DRD3: variants seen among roughly 807,000 people sequenced by gnomAD.
The protein encoded by DRD3 is dopamine receptor D3.
Under a neutral mutation model 36.3 loss-of-function variants are expected in DRD3, and 19 were observed. That is an observed-to-expected ratio of 0.52 (90% CI 0.36 to 0.77). DRD3 has a LOEUF of 0.77. Ranked by LOEUF, DRD3 falls within the 30% of genes least tolerant of loss-of-function variation. The pLI is 0.00. For synonymous variants in DRD3, 195 were observed against 203.7 expected (o/e 0.96, Z 0.36); for missense variants, 465 against 505.3 (o/e 0.92, Z 0.77).
intron 4 of DRD3, among the ~76,000 whole-genome samples, chr3:114,145,301 A>T (rs1471186427): frequency 6.6e-6 from 1 of 152,242 alleles, no homozygotes; most frequent in Non-Finnish European, 1.5e-5. Flanking sequence ...AGCATTCACG[A>T]AAAATGATAT....
At chr3:114,172,489 G>GGGC (rs1363852228) in intron 1 of DRD3, among the ~76,000 whole-genome samples, 3 of 152,166 alleles carry the variant, frequency 2.0e-5, no homozygotes, top group Non-Finnish European at 4.4e-5. Context: ...CCAGCAGGAA[G>GGGC]GGCTAGCACA....
chr3:114,129,074 G>A (rs1007187443), intron 6 of DRD3, among the ~76,000 whole-genome samples, 162 bp from the exon 7 acceptor site: 3 of 152,122 alleles, frequency 2.0e-5, no homozygotes, highest in African/African-American at 7.2e-5. Flanking sequence ...CGGGTGTGGT[G>A]GCTCACGCTT....
intron 5 of DRD3, 91 bp from the exon 6 acceptor site, chr3:114,131,491 G>A: frequency 6.7e-7 from 1 of 1,488,150 alleles, no homozygotes; most frequent in Non-Finnish European, 9.0e-7. Flanking sequence ...TTCAAAGAAG[G>A]AAGACGGCAA....
rs2077400973 is a variant in DRD3, at chr3:114,128,845, G to A, written c.1074C>T (p.Cys358=). The A allele has an allele frequency of 6.2e-7, 1 of 1,613,908 alleles. No homozygotes were observed. Among genetic ancestry groups the A allele is most frequent in the Non-Finnish European group, 8.5e-7 (1 of 1,179,918 alleles). The change falls in exon 7 of 7, where the codon TGC becomes TGT. Residue 358 remains cysteine, a synonymous_variant. Coordinates refer to ENST00000383673, the MANE Select transcript of DRD3 (RefSeq NM_000796.6). ...THVLNTHCQT[C]HVSPELYSAT... ...CACTGTAAAGCTCTGGGGACACGTG[G>A]CATGTCTGGCAGTGGGTATTGAGAA...
chr3:114,177,236 T>C (rs543334708), intron 1 of DRD3, among the ~76,000 whole-genome samples: 1 of 152,326 alleles, frequency 6.6e-6, no homozygotes, highest in East Asian at 1.9e-4. Flanking sequence ...AGATAGTCTT[T>C]AGCATTTCTA....
In DRD3 at chr3:114,197,477, T is replaced by C. The variant is rs9810702; in HGVS notation, c.-156+1796A>G. On this transcript the variant is annotated intron_variant, in intron 1 of 7. Transcript: ENST00000460779. ...ATTTTGATAGAGTACAATTTACTAA[T>C]ACTTTCCATTTAATGGATTGTGTTT... 3.6e-3 allele frequency among the ~76,000 whole-genome samples: 541 copies of C among 152,164 alleles called. 7 individuals carry two copies. The highest frequency in any genetic ancestry group is 0.012 in the African/African-American group (515 of 41,522).
chr3:114,150,443 G>C (rs2077606576), intron 3 of DRD3, among the ~76,000 whole-genome samples: 1 of 152,246 alleles, frequency 6.6e-6, no homozygotes, highest in Non-Finnish European at 1.5e-5. Flanking sequence ...CGTGGCTGGA[G>C]AGAGAGAGCT....
chr3:114,175,659 GA>G, intron 1 of DRD3, among the ~76,000 whole-genome samples: 1 of 152,254 alleles, frequency 6.6e-6, no homozygotes, highest in South Asian at 2.1e-4. Context: ...AAATAAATAT[GA>G]AATCAGAAAT....
At chr3:114,156,759 C>CTTTCTTTCTT (rs2077675730) in intron 3 of DRD3, among the ~76,000 whole-genome samples, 3 of 106,448 alleles carry the variant, frequency 2.8e-5, no homozygotes, top group African/African-American at 1.0e-4. Flanking sequence ...TTCTTTCTTT[C>CTTTCTTTCTT]TTTCTTTCTT....
intron 1 of DRD3, among the ~76,000 whole-genome samples, chr3:114,198,936 G>A (rs971416357): frequency 3.9e-5 from 6 of 152,100 alleles, no homozygotes; most frequent in African/African-American, 1.4e-4. Context: ...TGTAAATACA[G>A]TGTCTCATTA....
At chr3:114,197,276 AATTTTTTTTTTT>A (rs1157835748) in intron 1 of DRD3, among the ~76,000 whole-genome samples, 7 of 131,552 alleles carry the variant, frequency 5.3e-5, no homozygotes, top group Non-Finnish European at 9.6e-5. Context: ...TAATTAAAAA[AATTTTTTTTTTT>A]TTTTTTTTTT....
At chr3:114,135,080 C>A (rs1333810423) in intron 5 of DRD3, among the ~76,000 whole-genome samples, 1 of 152,170 alleles carries the variant, frequency 6.6e-6, no homozygotes, top group African/African-American at 2.4e-5. Flanking sequence ...CTCGCCCCCT[C>A]CCCCATCTCC....
At chr3:114,130,320 C>A (rs542702051) in intron 6 of DRD3, among the ~76,000 whole-genome samples, 1 of 151,816 alleles carries the variant, frequency 6.6e-6, no homozygotes, top group Admixed American at 6.6e-5. Flanking sequence ...TAAATACAGA[C>A]AAGTAGGAAA....
At position 114,138,462 on chromosome 3, in the gene DRD3, G is replaced by A. The variant is rs183978029; in HGVS notation, c.723+1038C>T. Among the ~76,000 whole-genome samples the A allele has an allele frequency of 2.9e-4, 44 of 152,176 alleles. No individual in the cohort carries two copies. The East Asian group carries it at 7.9e-3, about 27-fold the overall frequency. ...AGCAGACAAGAGAAAATTTGTGCAG[G>A]GAAACTCCCCCTCATAAAACCATCA... On this transcript the variant is annotated intron_variant, in intron 5 of 6. Coordinates refer to ENST00000383673, the MANE Select transcript of DRD3 (RefSeq NM_000796.6).
chr3:114,170,175 T>A (rs959781056), intron 2 of DRD3, among the ~76,000 whole-genome samples: 1 of 152,186 alleles, frequency 6.6e-6, no homozygotes, highest in African/African-American at 2.4e-5. Context: ...TCATTATTGT[T>A]GGATGTAAAA....
At chr3:114,165,904 T>G (rs2077778689) in intron 2 of DRD3, among the ~76,000 whole-genome samples, 1 of 150,906 alleles carries the variant, frequency 6.6e-6, no homozygotes, top group South Asian at 2.1e-4. Flanking sequence ...AAGGTGGGAG[T>G]GGGGCCTGGG....
intron 2 of DRD3, among the ~76,000 whole-genome samples, chr3:114,168,695 G>T (rs536476618): frequency 9.2e-5 from 14 of 152,208 alleles, no homozygotes; most frequent in Non-Finnish European, 2.1e-4. Context: ...GGATGGAAAA[G>T]TCTGGTCTGT....
chr3:114,133,348 T>C (rs2077447267), intron 5 of DRD3, among the ~76,000 whole-genome samples: 1 of 152,180 alleles, frequency 6.6e-6, no homozygotes. Context: ...TAATACGGTG[T>C]TTAGTATTTG....
intron 5 of DRD3, among the ~76,000 whole-genome samples, chr3:114,133,195 G>C (rs1181620270): frequency 6.6e-6 from 1 of 152,100 alleles, no homozygotes; most frequent in Non-Finnish European, 1.5e-5. Flanking sequence ...CTCCATGTTG[G>C]TCAGGCTGGT....
Sources: allele counts gnomAD v4.1 joint callset (sites outside exome capture counted in the v4.1 genomes callset), GRCh38; gene constraint gnomAD v4.1.1; transcripts MANE v1.5; gene names NCBI Gene and HGNC (gene_info 2026-07-23, HGNC 2026-07-21).